SH2D4B: variants seen among roughly 807,000 people sequenced by gnomAD.
SH2D4B encodes SH2 domain containing 4B.
Under a neutral mutation model 61.5 loss-of-function variants are expected in SH2D4B, and 45 were observed. The observed-to-expected ratio is 0.73, with a 90% confidence interval of 0.58 to 0.94. The LOEUF is 0.94. Ranked by LOEUF, SH2D4B falls within the 40% of genes least tolerant of loss-of-function variation. The pLI is 0.00. For synonymous variants in SH2D4B, 224 were observed against 220.4 expected (o/e 1.02, Z -0.14); for missense variants, 572 against 574.2 (o/e 1.00, Z 0.04).
intron 6 of SH2D4B, among the ~76,000 whole-genome samples, chr10:80,626,265 C>T (rs540794502): frequency 7.9e-5 from 12 of 151,920 alleles, no homozygotes; most frequent in Admixed American, 2.6e-4. Context: ...AAGGTAGTTT[C>T]GTTAAACACA....
intron 6 of SH2D4B, among the ~76,000 whole-genome samples, chr10:80,615,308 C>G (rs1203649607): frequency 1.3e-5 from 2 of 152,330 alleles, no homozygotes; most frequent in African/African-American, 4.8e-5. Context: ...AGAAACTATC[C>G]CACATTTGTC....
At chr10:80,586,536 T>C (rs1842251422) in intron 3 of SH2D4B, among the ~76,000 whole-genome samples, 1 of 152,122 alleles carries the variant, frequency 6.6e-6, no homozygotes, top group African/African-American at 2.4e-5. Flanking sequence ...GTCCACACTC[T>C]GTATCTAGCT....
chr10:80,642,613 A>G (rs1349815922), intron 7 of SH2D4B, among the ~76,000 whole-genome samples: 1 of 152,208 alleles, frequency 6.6e-6, no homozygotes, highest in Non-Finnish European at 1.5e-5. Context: ...CAAACCTTGT[A>G]AATGCCATGT....
intron 6 of SH2D4B, among the ~76,000 whole-genome samples, chr10:80,610,904 C>A (rs1035242169): frequency 6.6e-6 from 1 of 152,182 alleles, no homozygotes; most frequent in African/African-American, 2.4e-5. Flanking sequence ...GGCGCAGTGG[C>A]TCACGCCTGT....
intron 6 of SH2D4B, among the ~76,000 whole-genome samples, chr10:80,616,344 T>G (rs11186296): frequency 0.071 from 10,822 of 152,186 alleles, 490 homozygotes; most frequent in East Asian, 0.14. Flanking sequence ...AAGAAGTAGG[T>G]CAGTTGACCC....
intron 4 of SH2D4B, among the ~76,000 whole-genome samples, chr10:80,601,723 G>T (rs1168164972): frequency 3.9e-5 from 6 of 152,178 alleles, no homozygotes; most frequent in African/African-American, 1.4e-4. Context: ...CCCAGAAAGG[G>T]TTCTTTGACA....
chr10:80,570,287 G>A lies in SH2D4B; in HGVS notation c.318G>A (p.Leu106=), dbSNP rs201569198. Residue 106 remains leucine (L), a synonymous_variant, in exon 2 of 8, where the codon CTG becomes CTA. Coordinates refer to ENST00000646907, the MANE Select transcript of SH2D4B (RefSeq NM_001388272.1). ...AGCTGATTGCAGAGAGGGCGCGGCT[G>A]CAGGCACAGAGGGAAGCTGAGGAGC... The part of the protein sequence containing the change: ...SEELIAERAR[L]QAQREAEELW... The A allele has an allele frequency of 1.3e-5, 21 of 1,613,534 alleles. No homozygotes were observed. In the African/African-American group the frequency reaches 2.3e-4, roughly 17 times the overall value.
intron 3 of SH2D4B, among the ~76,000 whole-genome samples, chr10:80,587,131 TTTTTTTTTTTTTTTGTTTTG>T (rs1296482460): frequency 0.024 from 1,241 of 52,296 alleles, 26 homozygotes; most frequent in African/African-American, 0.13. Flanking sequence ...TCCGGCCACG[TTTTTTTTTTTTTTTGTTTTG>T]TTTTTTTTTT....
At chr10:80,562,894 C>CTT (rs34539206) in intron 1 of SH2D4B, among the ~76,000 whole-genome samples, 1,393 of 74,676 alleles carry the variant, frequency 0.019, 1 homozygote, top group Non-Finnish European at 0.024. Context: ...AACATTTTTT[C>CTT]TTTTTTTTTT....
chr10:80,556,617 C>T (rs1210244089), intron 1 of SH2D4B, among the ~76,000 whole-genome samples: 2 of 152,110 alleles, frequency 1.3e-5, no homozygotes, highest in Admixed American at 1.3e-4. Context: ...TAGATTAGAT[C>T]ACACATTTTG....
At chr10:80,581,012 TTTGAGCG>T (rs1369681089) in intron 3 of SH2D4B, among the ~76,000 whole-genome samples, 25 of 152,220 alleles carry the variant, frequency 1.6e-4, no homozygotes, top group Middle Eastern at 3.2e-3. Context: ...CAATTTCAGC[TTTGAGCG>T]TTATTTTAGC....
chr10:80,632,286 CA>C (rs1467840888), intron 6 of SH2D4B, among the ~76,000 whole-genome samples: 1 of 152,008 alleles, frequency 6.6e-6, no homozygotes, highest in Admixed American at 6.5e-5. Context: ...GTTCTTACCA[CA>C]AAAAATATGT....
At chr10:80,576,452 C>T (rs113045319) in intron 3 of SH2D4B, among the ~76,000 whole-genome samples, 3,350 of 152,324 alleles carry the variant, frequency 0.022, 137 homozygotes, top group African/African-American at 0.075. Context: ...CTCATTAGGG[C>T]ACTATCTGTT....
rs1445724861 is a variant in SH2D4B, at chr10:80,603,563, G to A, written c.644-16G>A. 1.3e-6 allele frequency: 2 copies of A among 1,530,236 alleles called. No homozygotes were observed. Among genetic ancestry groups the A allele is most frequent in the Non-Finnish European group, 1.8e-6 (2 of 1,132,588 alleles). 94.8% of individuals were successfully genotyped at this position (1,530,236 alleles called of 1,614,324 possible). On this transcript the variant is annotated splice_polypyrimidine_tract_variant and intron_variant, in intron 4 of 7. Coordinates refer to ENST00000646907, the MANE Select transcript of SH2D4B (RefSeq NM_001388272.1). ...GGCTGCGGATCTGGGCTAACGTGCT[G>A]TCTTCCTCTTTCCAGTGCGCCGGTC...
At chr10:80,610,172 C>T (rs1193621571) in intron 6 of SH2D4B, among the ~76,000 whole-genome samples, 2 of 152,168 alleles carry the variant, frequency 1.3e-5, no homozygotes, top group African/African-American at 4.8e-5. Context: ...ATGGCTGGCA[C>T]ATTCTCATTT....
intron 1 of SH2D4B, among the ~76,000 whole-genome samples, chr10:80,548,976 A>G (rs1044417130): frequency 1.3e-5 from 2 of 152,114 alleles, no homozygotes; most frequent in African/African-American, 4.8e-5. Context: ...GTCACTCTTG[A>G]TTCTTGGGAT....
chr10:80,586,883 C>G (rs183825335), intron 3 of SH2D4B, among the ~76,000 whole-genome samples: 3,281 of 152,208 alleles, frequency 0.022, 38 homozygotes, highest in Middle Eastern at 0.044. Context: ...ACGAACCCAC[C>G]GGGAGGAACG....
At chr10:80,587,567 C>T (rs112468772) in intron 3 of SH2D4B, among the ~76,000 whole-genome samples, 20 of 152,222 alleles carry the variant, frequency 1.3e-4, no homozygotes, top group African/African-American at 4.3e-4. Flanking sequence ...GCGTGAGCCA[C>T]GACGCCCAGC....
chr10:80,612,354 G>A (rs1027551075), intron 6 of SH2D4B, among the ~76,000 whole-genome samples: 1 of 152,112 alleles, frequency 6.6e-6, no homozygotes, highest in East Asian at 1.9e-4. Context: ...TTGTTAAGGA[G>A]TTTTTGCTGC....
Sources: allele counts gnomAD v4.1 joint callset (sites outside exome capture counted in the v4.1 genomes callset), GRCh38; gene constraint gnomAD v4.1.1; transcripts MANE v1.5; gene names NCBI Gene and HGNC (gene_info 2026-07-23, HGNC 2026-07-21).